Variants in THSD7A observed in about 807,000 individuals in gnomAD.
THSD7A encodes thrombospondin type-1 domain-containing protein 7A.
Under a neutral mutation model 231.3 loss-of-function variants are expected in THSD7A, and 96 were observed. The ratio of observed to expected loss-of-function variants is 0.41; its 90% CI spans 0.35 to 0.49. The LOEUF is 0.49. THSD7A is among the 20% of genes least tolerant of loss of function. The pLI is 0.05. For synonymous variants in THSD7A, 940 were observed against 743.3 expected (o/e 1.26, Z -4.30); for missense variants, 2,290 against 2,070.2 (o/e 1.11, Z -2.06).
intron 23 of THSD7A, among the ~76,000 whole-genome samples, chr7:11,398,740 C>G (rs1041606744): frequency 6.6e-5 from 10 of 152,018 alleles, no homozygotes; most frequent in African/African-American, 9.7e-5. Context: ...TTTGCCAGTC[C>G]TGCTGAGTGT....
At chr7:11,563,386 G>A (rs1403299310) in intron 4 of THSD7A, among the ~76,000 whole-genome samples, 2 of 152,096 alleles carry the variant, frequency 1.3e-5, no homozygotes, top group African/African-American at 2.4e-5. Context: ...TTGAGACGGA[G>A]TGTCCCTCTG....
In THSD7A at chr7:11,382,564, G is replaced by C. The variant is rs1782560438; in HGVS notation, c.4464C>G (p.Ser1488=). 1 of 1,612,774 alleles carries C rather than the reference G, an allele frequency of 6.2e-7. No individual in the cohort carries two copies. The change falls in exon 24 of 28, where the codon TCC becomes TCG. Residue 1488 remains serine (S), a synonymous_variant. Transcript: ENST00000423059. ...CTGACCTTTGACACCACACTGTTCG[G>C]GAAGAGCCCTTCCAAGCACTGGCCA... is the stretch of plus-strand genomic sequence containing the variant. ...KWMASAWKGS[S]RTVWCQRSDG...
chr7:11,492,529 C>A (rs376597765), intron 6 of THSD7A, among the ~76,000 whole-genome samples: 1 of 151,894 alleles, frequency 6.6e-6, no homozygotes, highest in Non-Finnish European at 1.5e-5. Flanking sequence ...ATTTATCACA[C>A]GAAAACAAGC....
intron 27 of THSD7A, 70 bp downstream of exon 27, chr7:11,376,500 A>G: frequency 8.5e-7 from 1 of 1,178,360 alleles, no homozygotes; most frequent in Non-Finnish European, 1.2e-6. Context: ...TACTTATTTG[A>G]GACATTAGTT....
At chr7:11,719,792 A>T (rs1781283150) in intron 1 of THSD7A, among the ~76,000 whole-genome samples, 1 of 151,770 alleles carries the variant, frequency 6.6e-6, no homozygotes, top group South Asian at 2.1e-4. Context: ...AGGGCCTTAT[A>T]GATCAATGGG....
intron 13 of THSD7A, among the ~76,000 whole-genome samples, chr7:11,439,845 C>G (rs1784747369): frequency 6.6e-6 from 1 of 152,034 alleles, no homozygotes; most frequent in Admixed American, 6.6e-5. Context: ...ATAGAAGCTG[C>G]AGCAAGTTAT....
chr7:11,407,036 T>C lies in THSD7A; in HGVS notation c.3936A>G (p.Arg1312=). Residue 1312 remains arginine (R), a synonymous_variant, in exon 21 of 28, where the codon CGA becomes CGG. Coordinates refer to ENST00000423059, the MANE Select transcript of THSD7A (RefSeq NM_015204.3). Reference sequence around the variant, plus strand: ...CACCTTGAAAGGGCTGGGTCACTGTTCGTCTTCGGATCATTTTTCCTTGAA... The same window carrying C: ...CACCTTGAAAGGGCTGGGTCACTGTCCGTCTTCGGATCATTTTTCCTTGAA... ...CGLTGKMIRR[R]TVTQPFQGDG... is the part of the protein sequence containing the mutation. 6.2e-7 allele frequency: 1 copy of C among 1,613,832 alleles called. No homozygotes were observed. Among genetic ancestry groups the C allele is most frequent in the Non-Finnish European group, 8.5e-7 (1 of 1,179,850 alleles).
intron 9 of THSD7A, among the ~76,000 whole-genome samples, chr7:11,463,652 T>A (rs973298633): frequency 2.0e-5 from 3 of 152,124 alleles, no homozygotes; most frequent in African/African-American, 7.2e-5. Context: ...ATACTACAGG[T>A]AATGGAGTAG....
intron 13 of THSD7A, among the ~76,000 whole-genome samples, chr7:11,439,364 GC>G (rs1384697060): frequency 6.6e-6 from 1 of 151,892 alleles, no homozygotes; most frequent in East Asian, 1.9e-4. Flanking sequence ...ATCTATCGGT[GC>G]CATTTTTTCC....
At chr7:11,608,761 C>G (rs1294691893) in intron 2 of THSD7A, among the ~76,000 whole-genome samples, 2 of 152,122 alleles carry the variant, frequency 1.3e-5, no homozygotes, top group African/African-American at 4.8e-5. Flanking sequence ...TGAACATCCA[C>G]AACCATGACT....
intron 6 of THSD7A, among the ~76,000 whole-genome samples, chr7:11,486,461 C>T (rs1394915279): frequency 6.6e-6 from 1 of 152,192 alleles, no homozygotes; most frequent in Non-Finnish European, 1.5e-5. Flanking sequence ...TATTCATCCA[C>T]CAGATGTCCC....
At chr7:11,610,358 A>G (rs1780881738) in intron 2 of THSD7A, among the ~76,000 whole-genome samples, 1 of 152,144 alleles carries the variant, frequency 6.6e-6, no homozygotes, top group Non-Finnish European at 1.5e-5. Context: ...AGAAAGATAC[A>G]ATGTACATTC....
In THSD7A at chr7:11,416,807, G is replaced by C. The variant is rs549529766; in HGVS notation, c.3537+643C>G. Among the ~76,000 whole-genome samples, 17 of 152,218 alleles carry C rather than the reference G, an allele frequency of 1.1e-4. No homozygotes were observed. In the South Asian group the frequency reaches 3.5e-3, roughly 32 times the overall value. On this transcript the variant is annotated intron_variant, in intron 17 of 27. Transcript: ENST00000423059. ...TCTGTTTCAAATGACTCTCTTCCCAGAGTCTCGTGGATGAGCCCCTACTGG... is the reference window on the plus strand; with the variant it reads ...TCTGTTTCAAATGACTCTCTTCCCACAGTCTCGTGGATGAGCCCCTACTGG...
At chr7:11,449,059 G>A (rs892793928) in intron 11 of THSD7A, among the ~76,000 whole-genome samples, 2 of 152,170 alleles carry the variant, frequency 1.3e-5, no homozygotes, top group Middle Eastern at 3.4e-3. Context: ...GTCTAAGATG[G>A]TGGTTCTCAT....
chr7:11,383,965 T>A (rs1782627719), intron 23 of THSD7A: 1 of 151,980 alleles, frequency 6.6e-6, no homozygotes, highest in Non-Finnish European at 1.5e-5. Context: ...ATAAGATGAA[T>A]GCAGAAGCAG....
chr7:11,624,142 T>C (rs1781404046), intron 2 of THSD7A, among the ~76,000 whole-genome samples: 1 of 152,076 alleles, frequency 6.6e-6, no homozygotes, highest in African/African-American at 2.4e-5. Context: ...GAATTTCCAC[T>C]TGAGTTGATC....
chr7:11,507,240 A>G (rs1787583257), intron 6 of THSD7A, among the ~76,000 whole-genome samples: 1 of 152,158 alleles, frequency 6.6e-6, no homozygotes, highest in Non-Finnish European at 1.5e-5. Flanking sequence ...CTCACTCTAC[A>G]TTTTAATTTT....
chr7:11,448,060 C>T (rs1423937662), intron 11 of THSD7A, among the ~76,000 whole-genome samples: 1 of 152,080 alleles, frequency 6.6e-6, no homozygotes, highest in Non-Finnish European at 1.5e-5. Flanking sequence ...AGTCCTCCAT[C>T]TCCTCTTTCT....
chr7:11,567,215 T>G (rs949417087), intron 4 of THSD7A, among the ~76,000 whole-genome samples: 7 of 152,046 alleles, frequency 4.6e-5, no homozygotes, highest in African/African-American at 1.7e-4. Flanking sequence ...TGTGGAGGCC[T>G]CTGGAAACTT....
Sources: gnomAD v4.1 joint callset for allele counts (sites outside exome capture counted in the v4.1 genomes callset) on GRCh38, gnomAD v4.1.1 for gene constraint, MANE v1.5 for transcripts, NCBI Gene and HGNC (gene_info 2026-07-23, HGNC 2026-07-21) for gene names.